The following AQR variants were observed in gnomAD, a reference collection of about 807,000 sequenced individuals.
The protein encoded by AQR is aquarius intron-binding spliceosomal factor.
In AQR, 61 loss-of-function variants were observed where a neutral mutation model predicts 180.5. That is an observed-to-expected ratio of 0.34 (90% confidence interval 0.28 to 0.42). The LOEUF is 0.42. Among genes scored for constraint, AQR ranks in the 10% least tolerant of loss-of-function variants. The pLI is 1.00. For synonymous variants in AQR, 551 were observed against 588.8 expected, an observed-to-expected ratio of 0.94 and a Z score of 0.93; for missense variants, 1,281 against 1,798.3, an observed-to-expected ratio of 0.71 and a Z score of 5.20.
intron 32 of AQR, 64 bp downstream of exon 32, chr15:34,867,460 G>A (rs562918200): frequency 7.2e-7 from 1 of 1,391,658 alleles, no homozygotes; most frequent in Admixed American, 1.8e-5. Flanking sequence ...CTTAGCCACA[G>A]AATTTCAAAA....
intron 6 of AQR, among the ~76,000 whole-genome samples, chr15:34,944,048 A>G (rs1007302780): frequency 9.9e-5 from 15 of 152,198 alleles, no homozygotes; most frequent in Non-Finnish European, 1.9e-4. Context: ...AAGAGTCTAG[A>G]TAGAAAAAAT....
chr15:34,886,257 C>A (rs2140469159), intron 25 of AQR, among the ~76,000 whole-genome samples: 1 of 152,094 alleles, frequency 6.6e-6, no homozygotes. Context: ...AAAAGAGTGA[C>A]TAGAACTTTG....
intron 3 of AQR, among the ~76,000 whole-genome samples, chr15:34,956,370 G>A (rs895152156): frequency 5.9e-5 from 9 of 152,222 alleles, no homozygotes; most frequent in African/African-American, 2.2e-4. Flanking sequence ...AGTATTCAAG[G>A]CCGGGTGTGG....
chr15:34,933,744 T>C (rs1282623649), intron 10 of AQR, among the ~76,000 whole-genome samples: 1 of 152,200 alleles, frequency 6.6e-6, no homozygotes, highest in East Asian at 1.9e-4. Flanking sequence ...GAAGGGCCAA[T>C]TACTTGTGAC....
chr15:34,918,394 C>T lies in AQR; in HGVS notation c.1222-16G>A, dbSNP rs769560836. On this transcript the variant is annotated splice_polypyrimidine_tract_variant and intron_variant, in intron 14 of 34. Coordinates refer to ENST00000156471, the MANE Select transcript of AQR (RefSeq NM_014691.3). ...GACGAGATACCTAAAATAAAGGAAA[C>T]AAGTTCATGCAGAAGGTTAGAAGCA... The T allele has an allele frequency of 1.9e-6, 3 of 1,609,418 alleles. No homozygotes were observed. Among genetic ancestry groups the T allele is most frequent in the Non-Finnish European group, 2.5e-6 (3 of 1,178,294 alleles).
chr15:34,894,435 T>C (rs1269495143), intron 22 of AQR, among the ~76,000 whole-genome samples: 1 of 152,112 alleles, frequency 6.6e-6, no homozygotes. Context: ...ATTAGAGACA[T>C]TCTTGCATGA....
chr15:34,910,562 T>C (rs1430518277), intron 16 of AQR, among the ~76,000 whole-genome samples: 1 of 152,116 alleles, frequency 6.6e-6, no homozygotes, highest in East Asian at 1.9e-4. Context: ...GAAAGAGAAG[T>C]AGAGGAATAT....
chr15:34,908,293 T>C (rs1893449510), intron 17 of AQR, among the ~76,000 whole-genome samples: 1 of 152,008 alleles, frequency 6.6e-6, no homozygotes, highest in African/African-American at 2.4e-5. Flanking sequence ...AAAAATTAGC[T>C]GGGCGTGGTG....
In AQR at chr15:34,854,077, C is replaced by A. The variant is rs1892552232; in HGVS notation, c.*2715G>T. The A allele has an allele frequency of 6.7e-6, 1 of 149,366 alleles. No homozygotes were observed. Among genetic ancestry groups the A allele is most frequent in the Non-Finnish European group, 1.5e-5 (1 of 67,730 alleles). The allele number at this position is 149,366 out of a possible 1,614,324, so 9.3% of individuals were successfully genotyped here. On this transcript the variant is annotated 3_prime_UTR_variant, in exon 35 of 35. Transcript: ENST00000156471. Reference sequence around the variant, plus strand: ...TTGGGAGTCTTGATGATGTTTAAATCTTCTCATTCATTTGCCTAAATCAAT... The same window carrying A: ...TTGGGAGTCTTGATGATGTTTAAATATTCTCATTCATTTGCCTAAATCAAT...
chr15:34,951,626 GT>G (rs1177810357), intron 4 of AQR, among the ~76,000 whole-genome samples: 3 of 150,068 alleles, frequency 2.0e-5, no homozygotes, highest in Non-Finnish European at 4.4e-5. Flanking sequence ...AGCCGAGATC[GT>G]GCCACTGCAC....
At position 34,870,794 on chromosome 15, in the gene AQR, A is replaced by G. The variant is rs750389726; in HGVS notation, c.3726T>C (p.Asn1242=). 5.6e-6 allele frequency: 9 copies of G among 1,613,172 alleles called. No homozygotes were observed. Among genetic ancestry groups the G allele is most frequent in the Non-Finnish European group, 7.6e-6 (9 of 1,179,648 alleles). ...GQKHLIRDII[N]RRCGNNPLIG... ...TCAATGGATTGTTTCCACATCGTCT[A>G]TTGATGATGTCGCGAATAAGATGCT... Residue 1242 remains asparagine, a synonymous_variant, in exon 31 of 35, where the codon AAT becomes AAC. Transcript: ENST00000156471.
intron 2 of AQR, among the ~76,000 whole-genome samples, chr15:34,962,339 G>T (rs2050284442): frequency 6.6e-6 from 1 of 151,934 alleles, no homozygotes; most frequent in Non-Finnish European, 1.5e-5. Flanking sequence ...TCTTTTAATT[G>T]CTCCAAGTAC....
intron 17 of AQR, among the ~76,000 whole-genome samples, chr15:34,909,736 G>C (rs1045906974): frequency 6.6e-6 from 1 of 151,938 alleles, no homozygotes; most frequent in Non-Finnish European, 1.5e-5. Context: ...CTGCATGTTT[G>C]TATGTTATAT....
Position 34,864,573 on chromosome 15 carries a change from C to A in AQR, c.3855-1532G>T, listed in dbSNP as rs374196318. ...GAAATACCTAGCGTAAGTCCTCACA[C>A]AAATATTATAAATAAAATTATAGTG... On this transcript the variant is annotated intron_variant, in intron 32 of 34. Transcript: ENST00000156471. Among the ~76,000 whole-genome samples the A allele has an allele frequency of 3.9e-5, 6 of 152,238 alleles. No individual in the cohort carries two copies. The East Asian group carries it at 1.2e-3, about 29-fold the overall frequency.
chr15:34,931,855 GCATGA>G (rs1164112155), intron 11 of AQR, among the ~76,000 whole-genome samples: 4 of 152,084 alleles, frequency 2.6e-5, no homozygotes, highest in Non-Finnish European at 5.9e-5. Context: ...GCTTTCTTCT[GCATGA>G]CATAACAGGA....
chr15:34,859,472 T>C (rs987306910), intron 34 of AQR, among the ~76,000 whole-genome samples: 3 of 152,180 alleles, frequency 2.0e-5, no homozygotes, highest in African/African-American at 7.2e-5. Flanking sequence ...TCAACCACTT[T>C]GAAAAACAGG....
chr15:34,936,026 G>C (rs529640641), intron 9 of AQR, among the ~76,000 whole-genome samples: 1 of 152,236 alleles, frequency 6.6e-6, no homozygotes, highest in African/African-American at 2.4e-5. Context: ...ATGGTGCTCT[G>C]GTGACTAAAG....
At position 34,900,535 on chromosome 15, in the gene AQR, A is replaced by C. The variant is rs1893315902; in HGVS notation, c.2243+87T>G. On this transcript the variant is annotated intron_variant, in intron 20 of 34. Coordinates refer to ENST00000156471, the MANE Select transcript of AQR (RefSeq NM_014691.3). ...AAAACAAAATCCAAATATAGTACTC[A>C]AAACTCACTTTAGCTAACAATCCTG... 5 of 1,505,926 alleles carry C rather than the reference A, an allele frequency of 3.3e-6. No individual in the cohort carries two copies. In the East Asian group the frequency reaches 1.1e-4, roughly 34 times the overall value. The allele number at this position is 1,505,926 out of a possible 1,614,324, so 93.3% of individuals were successfully genotyped here. A position where few individuals can be genotyped will look rare whatever the true frequency, so the allele number is the denominator to read the frequency against.
At chr15:34,923,002 C>G (rs1466722893) in intron 13 of AQR, among the ~76,000 whole-genome samples, 1 of 152,110 alleles carries the variant, frequency 6.6e-6, no homozygotes, top group Non-Finnish European at 1.5e-5. Flanking sequence ...GGAGTCCCCC[C>G]TTATCTGTGG....
Sources: gnomAD v4.1 joint callset for allele counts (sites outside exome capture counted in the v4.1 genomes callset) on GRCh38, gnomAD v4.1.1 for gene constraint, MANE v1.5 for transcripts, NCBI Gene and HGNC (gene_info 2026-07-23, HGNC 2026-07-21) for gene names.